PCDH11Y: variants seen among roughly 807,000 people sequenced by gnomAD.
PCDH11Y encodes protocadherin-11 Y-linked.
For synonymous variants in PCDH11Y, 9 were observed against 83.6 expected (o/e 0.11, Z 4.87); for missense variants, 12 against 224.8 (o/e 0.05, Z 6.05).
intron 2 of PCDH11Y, among the ~76,000 whole-genome samples, chrY:5,191,197 C>G: frequency 9.5e-5 from 3 of 31,577 alleles, no homozygotes; most frequent in Admixed American, 8.7e-4. Context: ...GGAGAAATGC[C>G]TAATGTCAAT....
At chrY:5,696,814 G>C in intron 4 of PCDH11Y, among the ~76,000 whole-genome samples, 1 of 32,648 alleles carries the variant, frequency 3.1e-5, no homozygotes, top group Non-Finnish European at 7.5e-5. Flanking sequence ...CATTATCTTT[G>C]TTCTCATTAG....
At chrY:5,675,483 C>T (rs1602958760) in intron 4 of PCDH11Y, among the ~76,000 whole-genome samples, 22 of 33,355 alleles carry the variant, frequency 6.6e-4, no homozygotes, top group Non-Finnish European at 7.4e-5. Flanking sequence ...AGAGTTTTAG[C>T]TCATTCCAGC....
At chrY:5,510,096 G>A (rs2053363245) in intron 3 of PCDH11Y, among the ~76,000 whole-genome samples, 1 of 23,029 alleles carries the variant, frequency 4.3e-5, no homozygotes, top group African/African-American at 1.7e-4. Context: ...ATTGCAGTGA[G>A]CCGAGATGGC....
At chrY:5,324,794 C>T in intron 2 of PCDH11Y, among the ~76,000 whole-genome samples, 4 of 33,056 alleles carry the variant, frequency 1.2e-4, no homozygotes, top group Non-Finnish European at 2.2e-4. Flanking sequence ...CTTTCATGCA[C>T]GTCCCTGTGA....
chrY:5,650,144 C>T (rs2557146), intron 4 of PCDH11Y, among the ~76,000 whole-genome samples: 1 of 31,795 alleles, frequency 3.1e-5, no homozygotes, highest in Non-Finnish European at 7.7e-5. Flanking sequence ...AATATAATAC[C>T]GTAGGTTTTT....
intron 4 of PCDH11Y, among the ~76,000 whole-genome samples, chrY:5,700,566 T>C: frequency 1.2e-4 from 4 of 33,707 alleles, no homozygotes; most frequent in Admixed American, 1.1e-3. Context: ...CTCTTGCCTA[T>C]TGCCATGTAA....
intron 2 of PCDH11Y, among the ~76,000 whole-genome samples, chrY:5,410,296 G>A (rs2053245525): frequency 6.2e-5 from 2 of 32,059 alleles, no homozygotes; most frequent in South Asian, 7.1e-4. Context: ...GCTTGAACCC[G>A]GGAGGCGAGG....
At chrY:5,044,304 C>T (rs1602846506) in intron 3 of PCDH11Y, among the ~76,000 whole-genome samples, 2 of 32,856 alleles carry the variant, frequency 6.1e-5, no homozygotes, top group African/African-American at 1.2e-4. Context: ...GATTCTGGTA[C>T]GTTGTGTCTT....
At chrY:5,567,331 C>A in intron 3 of PCDH11Y, among the ~76,000 whole-genome samples, 1 of 31,687 alleles carries the variant, frequency 3.2e-5, no homozygotes, top group Non-Finnish European at 7.7e-5. Flanking sequence ...ATAATATTTT[C>A]AATGAAAACT....
intron 4 of PCDH11Y, among the ~76,000 whole-genome samples, chrY:5,685,110 T>A: frequency 6.9e-5 from 2 of 28,866 alleles, no homozygotes; most frequent in African/African-American, 1.4e-4. Context: ...TATGTACACC[T>A]GCTATTTACC....
At chrY:5,673,234 A>G in intron 4 of PCDH11Y, among the ~76,000 whole-genome samples, 5 of 31,234 alleles carry the variant, frequency 1.6e-4, no homozygotes, top group African/African-American at 6.2e-4. Flanking sequence ...ATCAACCAAG[A>G]AAAAATTTTT....
intron 2 of PCDH11Y, among the ~76,000 whole-genome samples, chrY:5,408,644 T>C: frequency 3.1e-5 from 1 of 32,707 alleles, no homozygotes. Context: ...TTTCACCGTG[T>C]TGGCCAGGCT....
At chrY:5,311,516 C>T (rs375907865) in intron 2 of PCDH11Y, among the ~76,000 whole-genome samples, 1 of 23,699 alleles carries the variant, frequency 4.2e-5, no homozygotes, top group African/African-American at 1.7e-4. Flanking sequence ...CACACACACA[C>T]ATATATATAT....
At chrY:5,507,144 G>A in intron 3 of PCDH11Y, among the ~76,000 whole-genome samples, 2 of 32,758 alleles carry the variant, frequency 6.1e-5, no homozygotes, top group African/African-American at 2.4e-4. Flanking sequence ...ACTTGGTAGT[G>A]ACAGTAGTTT....
At chrY:5,327,680 T>C in intron 2 of PCDH11Y, among the ~76,000 whole-genome samples, 1 of 32,033 alleles carries the variant, frequency 3.1e-5, no homozygotes, top group Admixed American at 2.8e-4. Context: ...AGGCTTTGGG[T>C]TGGGGAGAAG....
chrY:5,475,107 A>G, intron 2 of PCDH11Y, among the ~76,000 whole-genome samples: 1 of 32,318 alleles, frequency 3.1e-5, no homozygotes, highest in Non-Finnish European at 7.7e-5. Context: ...ATATCATGCC[A>G]TCTAAAAACA....
At chrY:5,236,270 G>A (rs2124654434) in intron 2 of PCDH11Y, among the ~76,000 whole-genome samples, 1 of 32,774 alleles carries the variant, frequency 3.1e-5, no homozygotes, top group African/African-American at 1.2e-4. Context: ...TAGATATACA[G>A]ATTGATAGAA....
chrY:5,228,844 A>G (rs2052963981), intron 2 of PCDH11Y, among the ~76,000 whole-genome samples: 1 of 32,993 alleles, frequency 3.0e-5, no homozygotes, highest in African/African-American at 1.2e-4. Context: ...CTAACATATT[A>G]TCTATCCTTG....
At chrY:5,351,623 A>C in intron 2 of PCDH11Y, among the ~76,000 whole-genome samples, 1 of 30,527 alleles carries the variant, frequency 3.3e-5, no homozygotes, top group Non-Finnish European at 7.8e-5. Flanking sequence ...TATCTAGTGC[A>C]GAAATGTTCA....
Sources: gnomAD v4.1 joint callset for allele counts (sites outside exome capture counted in the v4.1 genomes callset) on GRCh38, gnomAD v4.1.1 for gene constraint, MANE v1.5 for transcripts, NCBI Gene and HGNC (gene_info 2026-07-23, HGNC 2026-07-21) for gene names.